Variants in CEP120 observed in about 807,000 individuals in gnomAD.
CEP120 encodes centrosomal protein 120.
In CEP120, 113 loss-of-function variants were observed where a neutral mutation model predicts 126.5. That is an observed-to-expected ratio of 0.89 (90% confidence interval 0.77 to 1.04). The LOEUF is 1.04. CEP120 is among the 50% of genes least tolerant of loss of function. CEP120 has a pLI of 0.00. For missense variants in CEP120, 1,230 were observed against 1,155.7 expected, an observed-to-expected ratio of 1.06 and a Z score of -0.93; for synonymous variants, 400 against 394.3, an observed-to-expected ratio of 1.01 and a Z score of -0.17.
intron 4 of CEP120, among the ~76,000 whole-genome samples, chr5:123,409,992 C>CCA (rs552203939): frequency 0.027 from 2,261 of 83,752 alleles, 90 homozygotes; most frequent in African/African-American, 0.088. Flanking sequence ...AAAAAAAAAA[C>CCA]CACACACACA....
intron 19 of CEP120, among the ~76,000 whole-genome samples, chr5:123,349,058 C>T (rs976105919): frequency 2.0e-5 from 3 of 152,062 alleles, no homozygotes; most frequent in African/African-American, 7.2e-5. Flanking sequence ...AAGAAGTCTT[C>T]CCCCAAAACC....
At chr5:123,381,528 A>T (rs139396562) in intron 14 of CEP120, among the ~76,000 whole-genome samples, 2 of 152,262 alleles carry the variant, frequency 1.3e-5, no homozygotes, top group East Asian at 3.9e-4. Flanking sequence ...CTTCAGTGTA[A>T]ATGGATAAAT....
intron 16 of CEP120, among the ~76,000 whole-genome samples, chr5:123,373,595 A>G (rs1231229436): frequency 6.6e-6 from 1 of 152,090 alleles, no homozygotes; most frequent in East Asian, 1.9e-4. Context: ...CTGGCCCTCT[A>G]CTTATGGAGA....
intron 19 of CEP120, among the ~76,000 whole-genome samples, chr5:123,348,228 G>T (rs1469474382): frequency 6.6e-6 from 1 of 152,024 alleles, no homozygotes; most frequent in Non-Finnish European, 1.5e-5. Context: ...TAATCTTGTT[G>T]GTTTCAGTTC....
chr5:123,358,798 C>T (rs1769849148), intron 18 of CEP120, among the ~76,000 whole-genome samples: 1 of 151,948 alleles, frequency 6.6e-6, no homozygotes. Flanking sequence ...TTTATTTTGC[C>T]TTGGCTGCCT....
In CEP120 at chr5:123,418,459, C is replaced by T. The variant is rs558077093; in HGVS notation, c.106G>A (p.Gly36Arg). The T allele has an allele frequency of 2.9e-5, 47 of 1,611,954 alleles. 1 individual carries two copies. Among genetic ancestry groups the T allele is most frequent in the South Asian group, 1.1e-4 (10 of 90,924 alleles). The change falls in exon 2 of 20, where the codon GGA becomes AGA. Residue 36 changes from glycine (G) to arginine (R), a missense_variant. Gly to Arg is a moderately radical substitution (Grantham distance 125). Coordinates refer to ENST00000306467, the MANE Select transcript of CEP120 (RefSeq NM_001375405.1). ...ACAGGATCAGTAGCCAACTGTTCTC[C>T]ATCAAACTTTGCTTCCACTACAAGC... is the stretch of plus-strand genomic sequence containing the variant. The part of the protein sequence containing the change: ...HMLVVEAKFD[G>R]EQLATDPVDH...
Position 123,415,862 on chromosome 5 carries a change from C to T in CEP120, c.321+148G>A, listed in dbSNP as rs914380821. 9.5e-6 allele frequency: 5 copies of T among 523,932 alleles called. No individual in the cohort carries two copies. The Admixed American group carries it at 1.0e-4, about 11-fold the overall frequency. The allele number at this position is 523,932 out of a possible 1,614,324, so 32.5% of individuals were successfully genotyped here. The stretch of plus-strand genomic sequence containing the variant: ...ACTCCAGCCTGGATAACAGAGACTC[C>T]GTCTCAAAAAAAAAAAGAACTGCCA... On this transcript the variant is annotated intron_variant, in intron 3 of 19. Transcript: ENST00000306467.
At chr5:123,377,733 CAT>C (rs1338943959) in intron 15 of CEP120, among the ~76,000 whole-genome samples, 198 bp from the exon 16 acceptor site, 5 of 152,082 alleles carry the variant, frequency 3.3e-5, no homozygotes, top group Non-Finnish European at 7.4e-5. Flanking sequence ...ATTATACACA[CAT>C]ATAAAAATCC....
At chr5:123,352,010 A>G (rs1769230373) in intron 18 of CEP120, among the ~76,000 whole-genome samples, 1 of 152,100 alleles carries the variant, frequency 6.6e-6, no homozygotes, top group Non-Finnish European at 1.5e-5. Flanking sequence ...CAGGTTACAT[A>G]GTAGTATCTC....
chr5:123,351,488 C>T (rs931763535), intron 18 of CEP120, among the ~76,000 whole-genome samples: 2 of 152,076 alleles, frequency 1.3e-5, no homozygotes, highest in East Asian at 3.9e-4. Flanking sequence ...TCTTTTGGAA[C>T]ACATTTGTAT....
intron 18 of CEP120, chr5:123,358,439 T>C (rs559007036): frequency 6.6e-6 from 1 of 152,092 alleles, no homozygotes; most frequent in Non-Finnish European, 1.5e-5. Flanking sequence ...CAAACTGTCT[T>C]CTTTGGCTGA....
At chr5:123,347,563 G>C (rs762078141) in intron 19 of CEP120, among the ~76,000 whole-genome samples, 20 of 152,178 alleles carry the variant, frequency 1.3e-4, no homozygotes, top group Non-Finnish European at 2.8e-4. Context: ...AAGGAGAGTA[G>C]ATGCTGACCT....
chr5:123,422,838 A>G, intron 1 of CEP120, 112 bp downstream of exon 1: 1 of 1,009,928 alleles, frequency 9.9e-7, no homozygotes, highest in Non-Finnish European at 1.6e-6. Context: ...GTCTGTGGGG[A>G]CCACAAAAGC....
intron 1 of CEP120, among the ~76,000 whole-genome samples, chr5:123,419,468 C>T (rs868282635): frequency 1.3e-5 from 2 of 150,100 alleles, no homozygotes; most frequent in African/African-American, 2.4e-5. Flanking sequence ...AGCTTGAACC[C>T]GGGAGGCAGA....
chr5:123,387,929 G>C (rs1164184402), intron 9 of CEP120, among the ~76,000 whole-genome samples: 1 of 151,880 alleles, frequency 6.6e-6, no homozygotes, highest in Non-Finnish European at 1.5e-5. Context: ...ATGGTGTTTA[G>C]ATTCATAGCT....
chr5:123,390,311 A>G (rs1772310529), intron 7 of CEP120, 171 bp from the exon 8 acceptor site: 1 of 684,492 alleles, frequency 1.5e-6, no homozygotes, highest in East Asian at 2.8e-5. Context: ...AGGACCAGAA[A>G]AAGGAAGATG....
intron 18 of CEP120, among the ~76,000 whole-genome samples, chr5:123,355,211 G>A (rs1192441255): frequency 6.6e-6 from 1 of 152,062 alleles, no homozygotes; most frequent in Admixed American, 6.6e-5. Context: ...TTGGTTCCAA[G>A]TCTTTGCTAT....
In CEP120 at chr5:123,412,529, C is replaced by T; in HGVS notation, c.333G>A (p.Trp111Ter). The change falls in exon 4 of 20, where the codon TGG (tryptophan) becomes TGA (stop). Residue 111 changes from tryptophan (W) to a stop codon, truncating the protein, a stop_gained. Transcript: ENST00000306467. LOFTEE classifies it high-confidence loss of function. ...TAQETKQAPK[W>*]YQLLSNKYTK... ...TGTATTTATTACTCAGCAACTGGTA[C>T]CATTTTGGTGCCTAGAGAATAATAA... 1 of 1,595,494 alleles carries T rather than the reference C, an allele frequency of 6.3e-7. No individual in the cohort carries two copies. The highest frequency in any genetic ancestry group is 1.2e-5 in the South Asian group (1 of 86,512).
chr5:123,413,894 T>A (rs961484040), intron 3 of CEP120, among the ~76,000 whole-genome samples: 1 of 152,238 alleles, frequency 6.6e-6, no homozygotes, highest in Non-Finnish European at 1.5e-5. Context: ...TTTTCTGTTA[T>A]ATAACTCAGA....
Sources: allele counts gnomAD v4.1 joint callset (sites outside exome capture counted in the v4.1 genomes callset), GRCh38; gene constraint gnomAD v4.1.1; transcripts MANE v1.5; gene names NCBI Gene and HGNC (gene_info 2026-07-23, HGNC 2026-07-21).